The following PKP2 variants were observed in gnomAD, a reference collection of about 807,000 sequenced individuals.
The protein encoded by PKP2 is plakophilin 2.
In PKP2, 73 loss-of-function variants were observed where a neutral mutation model predicts 83.4. The observed-to-expected ratio is 0.88, with a 90% CI of 0.72 to 1.06. The LOEUF (loss-of-function observed/expected upper bound fraction) is 1.06, where lower values mean the gene tolerates loss of function less well. Among genes scored for constraint, PKP2 ranks in the 50% least tolerant of loss-of-function variants. The pLI is 0.00. For synonymous variants in PKP2, 409 were observed against 430.4 expected (o/e 0.95, Z 0.62); for missense variants, 966 against 1,065.4 (o/e 0.91, Z 1.30).
chr12:32,805,452 C>T (rs1956218703), intron 9 of PKP2, among the ~76,000 whole-genome samples: 1 of 152,094 alleles, frequency 6.6e-6, no homozygotes, highest in African/African-American at 2.4e-5. Context: ...ACATTTAAGT[C>T]TTTAATCCAT....
At chr12:32,859,907 ACT>A (rs771111973) in intron 4 of PKP2, among the ~76,000 whole-genome samples, 53 of 152,194 alleles carry the variant, frequency 3.5e-4, no homozygotes, top group Non-Finnish European at 6.6e-4. Flanking sequence ...GGAAATGAAC[ACT>A]CTGATAAAAT....
intron 6 of PKP2, among the ~76,000 whole-genome samples, chr12:32,832,015 A>G (rs1165567721): frequency 6.6e-6 from 1 of 152,252 alleles, no homozygotes; most frequent in African/African-American, 2.4e-5. Flanking sequence ...AGCTTAGTTC[A>G]TAAAACAATC....
At chr12:32,886,908 T>C (rs1591832286) in intron 1 of PKP2, among the ~76,000 whole-genome samples, 1 of 151,370 alleles carries the variant, frequency 6.6e-6, no homozygotes, top group African/African-American at 2.4e-5. Flanking sequence ...CTGAGGTGGG[T>C]GGATTGCTTG....
rs1317005784 is a variant in PKP2, at chr12:32,868,933, C to G, written c.1164G>C (p.Arg388=). The G allele has an allele frequency of 6.2e-7, 1 of 1,613,050 alleles. No homozygotes were observed. The highest frequency in any genetic ancestry group is 8.5e-7 in the Non-Finnish European group (1 of 1,179,992). Residue 388 remains arginine (R), a synonymous_variant, in exon 4 of 13, where the codon CGG becomes CGC. Transcript: ENST00000340811. The part of the protein sequence containing the change: ...QHECFQKSEA[R]KRVNQLRGIL... The stretch of plus-strand genomic sequence containing the variant: ...GACTGAAGATGACACTCACCCTCTT[C>G]CGAGCTTCAGATTTCTGGAAGCACT...
chr12:32,858,676 CA>C (rs1956775760), intron 4 of PKP2, among the ~76,000 whole-genome samples: 1 of 151,926 alleles, frequency 6.6e-6, no homozygotes, highest in African/African-American at 2.4e-5. Flanking sequence ...AAAACAACAA[CA>C]AAAATAAAGC....
At chr12:32,821,782 G>C in intron 8 of PKP2, 1 of 463,650 alleles carries the variant, frequency 2.2e-6, no homozygotes, top group South Asian at 2.2e-5. Context: ...AAAATTCAGA[G>C]AATTAAGCAT....
chr12:32,793,044 C>T (rs1394149578), intron 11 of PKP2, among the ~76,000 whole-genome samples: 1 of 152,182 alleles, frequency 6.6e-6, no homozygotes, highest in East Asian at 1.9e-4. Flanking sequence ...GAGGTCAGAC[C>T]ATCCTGGCCA....
At position 32,878,270 on chromosome 12, in the gene PKP2, G is replaced by A. The variant is rs777497296; in HGVS notation, c.610C>T (p.Arg204Cys). 1.4e-5 allele frequency: 22 copies of A among 1,613,972 alleles called. No individual in the cohort carries two copies. The highest frequency in any genetic ancestry group is 1.3e-4 in the South Asian group (12 of 91,084). ...YARSEIVGVS[R>C]AGTTSRQRHF... is the part of the protein sequence containing the mutation. ...CGCTGCCTGCTTGTGGTGCCAGCAC[G>A]GCTGACCCCCACGATCTCGGAACGA... Residue 204 changes from arginine to cysteine, a missense_variant, in exon 3 of 13, where the codon CGT becomes TGT. Physicochemically the swap from Arg to Cys is radical, Grantham distance 180. Transcript: ENST00000340811.
At chr12:32,855,815 T>TTTCTACTC (rs1212185646) in intron 4 of PKP2, among the ~76,000 whole-genome samples, 1 of 144,086 alleles carries the variant, frequency 6.9e-6, no homozygotes, top group African/African-American at 2.7e-5. Context: ...TATCTATGAA[T>TTTCTACTC]TTCTACTCAT....
chr12:32,851,099 T>C (rs1032702087), intron 4 of PKP2, 126 bp from the exon 5 acceptor site: 1 of 769,768 alleles, frequency 1.3e-6, no homozygotes, highest in Non-Finnish European at 2.2e-6. Flanking sequence ...CAACTATGTG[T>C]AGCACAACTG....
At chr12:32,881,914 G>C (rs1315870043) in intron 1 of PKP2, among the ~76,000 whole-genome samples, 1 of 152,168 alleles carries the variant, frequency 6.6e-6, no homozygotes. Flanking sequence ...CAAGGGCCAG[G>C]CTGCTGTGGG....
At chr12:32,884,974 A>G (rs1957018582) in intron 1 of PKP2, among the ~76,000 whole-genome samples, 1 of 152,210 alleles carries the variant, frequency 6.6e-6, no homozygotes, top group Non-Finnish European at 1.5e-5. Flanking sequence ...AATATTTCAA[A>G]TTAACATGGG....
At chr12:32,803,524 T>C (rs939459659) in intron 9 of PKP2, among the ~76,000 whole-genome samples, 1 of 152,246 alleles carries the variant, frequency 6.6e-6, no homozygotes, top group Non-Finnish European at 1.5e-5. Flanking sequence ...TATACTAACA[T>C]CATTAAGTTA....
intron 2 of PKP2, 82 bp downstream of exon 2, chr12:32,878,838 A>G: frequency 1.2e-6 from 1 of 849,622 alleles, no homozygotes; most frequent in Admixed American, 1.8e-5. Context: ...AAAAGTAAAC[A>G]CTCAAAAATA....
chr12:32,798,084 GTTTT>G (rs10623676), intron 10 of PKP2, among the ~76,000 whole-genome samples: 2 of 124,152 alleles, frequency 1.6e-5, no homozygotes, highest in East Asian at 4.8e-4. Flanking sequence ...TACTACTCTT[GTTTT>G]TTTTTTTTTT....
intron 3 of PKP2, among the ~76,000 whole-genome samples, chr12:32,872,712 G>A (rs189843476): frequency 1.3e-4 from 20 of 152,256 alleles, no homozygotes; most frequent in Admixed American, 1.2e-3. Context: ...GCTCCTACAA[G>A]TATTGTCAGA....
chr12:32,886,667 G>C (rs1957033026), intron 1 of PKP2, among the ~76,000 whole-genome samples: 1 of 152,142 alleles, frequency 6.6e-6, no homozygotes, highest in African/African-American at 2.4e-5. Flanking sequence ...ATTTGCTTAG[G>C]CTGGAAAATA....
intron 1 of PKP2, among the ~76,000 whole-genome samples, chr12:32,879,415 C>T (rs1185837873): frequency 6.6e-6 from 1 of 151,904 alleles, no homozygotes; most frequent in Non-Finnish European, 1.5e-5. Context: ...ATCTGTAATC[C>T]CAGCTACTCA....
At chr12:32,823,752 C>T (rs185899595) in intron 7 of PKP2, among the ~76,000 whole-genome samples, 1 of 152,100 alleles carries the variant, frequency 6.6e-6, no homozygotes, top group Admixed American at 6.5e-5. Context: ...AGGTGCCCGC[C>T]ACCACGCCCG....
Sources: gnomAD v4.1 joint callset for allele counts (sites outside exome capture counted in the v4.1 genomes callset) on GRCh38, gnomAD v4.1.1 for gene constraint, MANE v1.5 for transcripts, NCBI Gene and HGNC (gene_info 2026-07-23, HGNC 2026-07-21) for gene names.